The following CFAP206 variants were observed in gnomAD, a reference collection of about 807,000 sequenced individuals.
The protein encoded by CFAP206 is cilia and flagella associated protein 206, also known as cilia- and flagella-associated protein 206.
A neutral mutation model predicts 65.4 loss-of-function variants in CFAP206; 53 were observed. The ratio of observed to expected loss-of-function variants is 0.81; its 90% CI spans 0.65 to 1.02. The LOEUF is 1.02. Among genes scored for constraint, CFAP206 ranks in the 50% least tolerant of loss-of-function variants. The pLI is 0.00. For missense variants in CFAP206, 663 were observed against 753.2 expected, an observed-to-expected ratio of 0.88 and a Z score of 1.40; for synonymous variants, 250 against 254.4, an observed-to-expected ratio of 0.98 and a Z score of 0.17.
intron 11 of CFAP206, among the ~76,000 whole-genome samples, chr6:87,458,121 A>G (rs1267052180): frequency 6.6e-6 from 1 of 152,210 alleles, no homozygotes; most frequent in Non-Finnish European, 1.5e-5. Context: ...CTATAATGAG[A>G]TATCATCCCA....
At chr6:87,415,471 T>C in intron 4 of CFAP206, 1 of 594,414 alleles carries the variant, frequency 1.7e-6, no homozygotes, top group Non-Finnish European at 3.1e-6. Flanking sequence ...TTTGACAAAG[T>C]ATTCCATTTA....
chr6:87,410,920 G>T (rs1767725209), intron 3 of CFAP206, among the ~76,000 whole-genome samples: 1 of 152,192 alleles, frequency 6.6e-6, no homozygotes, highest in African/African-American at 2.4e-5. Flanking sequence ...TAGGCAGAAA[G>T]AAGGGGGAAA....
intron 10 of CFAP206, among the ~76,000 whole-genome samples, chr6:87,433,826 G>A (rs897429964): frequency 2.0e-5 from 3 of 151,794 alleles, no homozygotes; most frequent in African/African-American, 7.3e-5. Context: ...GGGGCTGGGC[G>A]TGGTGGCTCA....
rs112853646 is a variant in CFAP206 at position 87,416,662 on chromosome 6, A to G, written c.473-7A>G. Reference sequence around the variant, plus strand: ...TTTTCCTTTTTTTTTTTTCTGGTTTATTTTAGCTGCTCTACAGAGTGTTTT... The same window carrying G: ...TTTTCCTTTTTTTTTTTTCTGGTTTGTTTTAGCTGCTCTACAGAGTGTTTT... On this transcript the variant is annotated splice_region_variant and splice_polypyrimidine_tract_variant and intron_variant, in intron 5 of 12. Transcript: ENST00000369562. 4.5e-5 allele frequency: 64 copies of G among 1,425,484 alleles called. No individual in the cohort carries two copies. Among genetic ancestry groups the G allele is most frequent in the Admixed American group, 1.0e-4 (4 of 39,522 alleles). 88.3% of individuals were successfully genotyped at this position (1,425,484 alleles called of 1,614,324 possible). A position where few individuals can be genotyped will look rare whatever the true frequency, so the allele number is the denominator to read the frequency against.
Position 87,432,072 on chromosome 6 carries a change from G to A in CFAP206, c.1300+899G>A, listed in dbSNP as rs116089320. 5.1e-3 allele frequency among the ~76,000 whole-genome samples: 775 copies of A among 152,290 alleles called. 7 individuals are homozygous for A. The highest frequency in any genetic ancestry group is 0.018 in the African/African-American group (738 of 41,552). ...GTGAATTGTGAATAAGAAAAAGCCTGCCAGGGCTAGAATGAAAACAGTGTG... is the reference window on the plus strand; with the variant it reads ...GTGAATTGTGAATAAGAAAAAGCCTACCAGGGCTAGAATGAAAACAGTGTG... On this transcript the variant is annotated intron_variant, in intron 10 of 12. Transcript: ENST00000369562.
At position 87,464,390 on chromosome 6, in the gene CFAP206, T is replaced by G. The variant is rs180784975; in HGVS notation, c.*140T>G. On this transcript the variant is annotated 3_prime_UTR_variant, in exon 13 of 13. Transcript: ENST00000369562. ...TGTGACTGTTTATTGGGTTCCCATATTTTATCAAACTGTTTTCTGTAACAC... is the reference window on the plus strand; with the variant it reads ...TGTGACTGTTTATTGGGTTCCCATAGTTTATCAAACTGTTTTCTGTAACAC... The G allele has an allele frequency of 1.7e-4, 88 of 514,356 alleles. No individual in the cohort carries two copies. The East Asian group carries it at 2.6e-3, about 15-fold the overall frequency. The allele number at this position is 514,356 out of a possible 1,614,324, so 31.9% of individuals were successfully genotyped here.
chr6:87,426,116 A>G (rs1768039120), intron 7 of CFAP206: 1 of 153,656 alleles, frequency 6.5e-6, no homozygotes, highest in Non-Finnish European at 1.4e-5. Context: ...CACTCCTAAC[A>G]GGTTTTTCTC....
rs190305809 is a variant in CFAP206, at chr6:87,426,556, G to A, written c.871G>A (p.Glu291Lys). 6.3e-7 allele frequency: 1 copy of A among 1,594,542 alleles called. No homozygotes were observed. The highest frequency in any genetic ancestry group is 2.3e-5 in the East Asian group (1 of 44,108). Residue 291 changes from glutamate to lysine, a missense_variant, in exon 8 of 13, where the codon GAA becomes AAA. Glu to Lys is a moderately conservative substitution (Grantham distance 56). Transcript: ENST00000369562. Reference sequence around the variant, plus strand: ...TATAATTACTGGTGCTCAAGAAGTGGAAATGATGACAAAACAGTTAGGAGC... The same window carrying A: ...TATAATTACTGGTGCTCAAGAAGTGAAAATGATGACAAAACAGTTAGGAGC... ...SDIITGAQEV[E>K]MMTKQLGAHL...
rs183630215 is a variant in CFAP206, at chr6:87,456,228, T to C, written c.1495-4794T>C. On this transcript the variant is annotated intron_variant, in intron 11 of 12. Coordinates refer to ENST00000369562, the MANE Select transcript of CFAP206 (RefSeq NM_001031743.3). The stretch of plus-strand genomic sequence containing the variant: ...ATATGCAAATCAATGTGATACATCA[T>C]GTCAGCAGAATGAAGGACAAAAACC... Among the ~76,000 whole-genome samples the C allele has an allele frequency of 4.9e-3, 747 of 152,286 alleles. 1 individual carries two copies. The highest frequency in any genetic ancestry group is 0.017 in the African/African-American group (708 of 41,578).
intron 11 of CFAP206, among the ~76,000 whole-genome samples, chr6:87,446,046 GTTGT>G (rs528102264): frequency 2.8e-4 from 42 of 152,210 alleles, no homozygotes; most frequent in African/African-American, 7.9e-4. Flanking sequence ...TTTTAATGGA[GTTGT>G]TTGTTTTTCT....
In CFAP206 at chr6:87,458,729, G is replaced by GT. The variant is rs370801129; in HGVS notation, c.1495-2292dup. Among the ~76,000 whole-genome samples the GT allele has an allele frequency of 2.8e-3, 420 of 152,150 alleles. 1 individual carries two copies. The highest frequency in any genetic ancestry group is 4.9e-3 in the Non-Finnish European group (332 of 67,958). On this transcript the variant is annotated intron_variant, in intron 11 of 12. Transcript: ENST00000369562. ...ACAAAAATATAGTTAAATAAAAGGC[G>GT]TAAGATCTAGTATTTTATAGCACAA...
At chr6:87,445,376 A>G (rs1768425368) in intron 11 of CFAP206, among the ~76,000 whole-genome samples, 1 of 151,698 alleles carries the variant, frequency 6.6e-6, no homozygotes, top group Non-Finnish European at 1.5e-5. Context: ...CCCCTCCAGC[A>G]AGCCCCACTG....
chr6:87,428,062 A>C (rs928762912), intron 8 of CFAP206, among the ~76,000 whole-genome samples: 1 of 137,698 alleles, frequency 7.3e-6, no homozygotes, highest in Admixed American at 8.3e-5. Context: ...ATCTCAACTC[A>C]CTGCAACCTC....
At chr6:87,453,514 T>A (rs552725144) in intron 11 of CFAP206, among the ~76,000 whole-genome samples, 1 of 152,276 alleles carries the variant, frequency 6.6e-6, no homozygotes, top group East Asian at 1.9e-4. Flanking sequence ...AAATAGTAAC[T>A]ATAACAACTT....
At position 87,416,860 on chromosome 6, in the gene CFAP206, A is replaced by G. The variant is rs1395228678; in HGVS notation, c.631+33A>G. The G allele has an allele frequency of 3.2e-6, 5 of 1,562,534 alleles. No individual in the cohort carries two copies. The African/African-American group carries it at 6.8e-5, about 21-fold the overall frequency. Reference sequence around the variant, plus strand: ...TATCATTAGATTAATTCTAAAGGTTATGTATGTTTAAAATTTAACTTGCAC... The same window carrying G: ...TATCATTAGATTAATTCTAAAGGTTGTGTATGTTTAAAATTTAACTTGCAC... On this transcript the variant is annotated intron_variant, in intron 6 of 12. Transcript: ENST00000369562.
At chr6:87,458,322 T>A (rs971378012) in intron 11 of CFAP206, among the ~76,000 whole-genome samples, 7 of 152,126 alleles carry the variant, frequency 4.6e-5, no homozygotes, top group Non-Finnish European at 1.0e-4. Context: ...GCTAGGTATA[T>A]ACCCAAAAGA....
intron 11 of CFAP206, chr6:87,444,375 C>T (rs1768410380): frequency 9.1e-6 from 2 of 218,724 alleles, no homozygotes; most frequent in Admixed American, 4.1e-5. Context: ...TCACCAAGGG[C>T]ATTATTTATC....
intron 1 of CFAP206, chr6:87,408,387 T>C (rs1767663092): frequency 6.6e-6 from 1 of 152,306 alleles, no homozygotes; most frequent in African/African-American, 2.4e-5. Context: ...TCGGGAGACT[T>C]AGTAATTGGA....
intron 11 of CFAP206, among the ~76,000 whole-genome samples, chr6:87,454,056 T>C (rs984313529): frequency 2.0e-5 from 3 of 152,102 alleles, no homozygotes; most frequent in African/African-American, 7.2e-5. Context: ...AGTTATTCCA[T>C]GCAAATGAAA....
Sources: allele counts gnomAD v4.1 joint callset (sites outside exome capture counted in the v4.1 genomes callset), GRCh38; gene constraint gnomAD v4.1.1; transcripts MANE v1.5; gene names NCBI Gene and HGNC (gene_info 2026-07-23, HGNC 2026-07-21).